The following ADAR variants were observed in gnomAD, a reference collection of about 807,000 sequenced individuals.
ADAR encodes double-stranded RNA-specific adenosine deaminase.
A neutral mutation model predicts 113.2 loss-of-function variants in ADAR; 41 were observed. The ratio of observed to expected loss-of-function variants is 0.36; its 90% CI spans 0.28 to 0.47. ADAR has a LOEUF of 0.47. Ranked by LOEUF, ADAR falls within the 20% of genes least tolerant of loss-of-function variation. ADAR has a pLI of 1.00. For synonymous variants in ADAR, 605 were observed against 572.6 expected (o/e 1.06, Z -0.81); for missense variants, 1,242 against 1,540.9 (o/e 0.81, Z 3.25).
At chr1:154,589,292 G>A (rs940434664) in intron 9 of ADAR, 77 bp downstream of exon 9, 26 of 1,144,124 alleles carry the variant, frequency 2.3e-5, no homozygotes, top group African/African-American at 7.6e-5. Context: ...TTCAGAGGCC[G>A]TGTCAGAGCC....
intron 1 of ADAR, among the ~76,000 whole-genome samples, chr1:154,626,271 T>A (rs1440815946): frequency 6.6e-5 from 10 of 151,874 alleles, no homozygotes; most frequent in Admixed American, 6.6e-4. Context: ...TGCACCATCA[T>A]GCTGGTCTAA....
At chr1:154,618,021 T>C (rs1698682859) in intron 1 of ADAR, among the ~76,000 whole-genome samples, 3 of 151,232 alleles carry the variant, frequency 2.0e-5, no homozygotes, top group African/African-American at 7.3e-5. Flanking sequence ...TAAAACACAA[T>C]AGCTTCTTTA....
intron 1 of ADAR, among the ~76,000 whole-genome samples, chr1:154,604,280 T>C (rs979534144): frequency 6.6e-6 from 1 of 152,260 alleles, no homozygotes; most frequent in Admixed American, 6.5e-5. Context: ...CCTGTGTTTC[T>C]ACAACTTCAC....
Position 154,589,308 on chromosome 1 carries a change from G to A in ADAR, c.2762+61C>T, listed in dbSNP as rs573632723. The A allele has an allele frequency of 9.9e-5, 132 of 1,329,182 alleles. 2 individuals are homozygous for A. The South Asian group carries it at 1.4e-3, about 14-fold the overall frequency. The allele number at this position is 1,329,182 out of a possible 1,614,324, so 82.3% of individuals were successfully genotyped here. A position where few individuals can be genotyped will look rare whatever the true frequency, so the allele number is the denominator to read the frequency against. ...TCAGAGGCCGTGTCAGAGCCATGTG[G>A]GGCAGGGAACTGGAGCTCTCCACAG... On this transcript the variant is annotated intron_variant, in intron 9 of 14. Transcript: ENST00000368474.
Position 154,582,947 on chromosome 1 carries a change from T to A in ADAR, c.*1859A>T, listed in dbSNP as rs745827491. ...GATGCTTTGGTGTTCTGCAAAGGCA[T>A]CCTTAGTCTATTTTTAGAACTTGCA... On this transcript the variant is annotated 3_prime_UTR_variant, in exon 15 of 15. Transcript: ENST00000368474. 1.3e-5 allele frequency: 2 copies of A among 152,234 alleles called. No homozygotes were observed. Among genetic ancestry groups the A allele is most frequent in the Non-Finnish European group, 2.9e-5 (2 of 68,052 alleles). The allele number at this position is 152,234 out of a possible 1,614,324, so 9.4% of individuals were successfully genotyped here.
chr1:154,585,609 G>C, intron 13 of ADAR, 144 bp downstream of exon 13: 2 of 881,208 alleles, frequency 2.3e-6, no homozygotes, highest in South Asian at 3.0e-5. Context: ...CAATGTTGGT[G>C]GTGGGCCACT....
rs1696719005 is a variant in ADAR at position 154,585,789 on chromosome 1, A to C, written c.3279T>G (p.Asp1093Glu). 6.2e-7 allele frequency: 1 copy of C among 1,614,054 alleles called. No homozygotes were observed. The highest frequency in any genetic ancestry group is 1.3e-5 in the African/African-American group (1 of 75,058). Residue 1093 changes from aspartate to glutamate, a missense_variant, in exon 13 of 15, where the codon GAT becomes GAG. By Grantham distance (45) the Asp-to-Glu change is conservative (BLOSUM62 2). Coordinates refer to ENST00000368474, the MANE Select transcript of ADAR (RefSeq NM_001111.5). ...TGACAATAAAGGGATGTCGTAGTCCATCCTCAAATGCACTCCCATCTCTTG... is the reference window on the plus strand; with the variant it reads ...TGACAATAAAGGGATGTCGTAGTCCCTCCTCAAATGCACTCCCATCTCTTG... ...RVTRDGSAFE[D>E]GLRHPFIVNH...
At position 154,584,468 on chromosome 1, in the gene ADAR, G is replaced by T; in HGVS notation, c.*338C>A. ...GAGGTCAGTGTAGCAAACACAAAGGGAAAGGAAATGGAAACAAATCAAAAC... is the reference window on the plus strand; with the variant it reads ...GAGGTCAGTGTAGCAAACACAAAGGTAAAGGAAATGGAAACAAATCAAAAC... On this transcript the variant is annotated 3_prime_UTR_variant, in exon 15 of 15. Transcript: ENST00000368474. The T allele has an allele frequency of 3.4e-6, 1 of 298,262 alleles. No individual in the cohort carries two copies. Among genetic ancestry groups the T allele is most frequent in the Non-Finnish European group, 6.3e-6 (1 of 158,346 alleles). 18.5% of individuals were successfully genotyped at this position (298,262 alleles called of 1,614,324 possible). A position where few individuals can be genotyped will look rare whatever the true frequency, so the allele number is the denominator to read the frequency against.
chr1:154,597,151 G>A lies in ADAR; in HGVS notation c.2051C>T (p.Ala684Val), dbSNP rs776658787. 13 of 1,614,160 alleles carry A rather than the reference G, an allele frequency of 8.1e-6. No individual in the cohort carries two copies. Among genetic ancestry groups the A allele is most frequent in the Middle Eastern group, 3.3e-4 (2 of 6,062 alleles). ...GTTATCAGAAGCCATGGAGTTGGTC[G>A]CCTCCCCATGCAGGGCCTTCATGGC... ...EEAMKALHGE[A>V]TNSMASDNQP... The change falls in exon 5 of 15, where the codon GCG becomes GTG. Residue 684 changes from alanine (A) to valine (V), a missense_variant. Ala to Val is a moderately conservative substitution (Grantham distance 64). This residue lies in a region of ADAR where 780 missense variants were observed against 1,057.9 expected (regional missense o/e 0.74). Transcript: ENST00000368474.
At chr1:154,617,684 G>C (rs185111781) in intron 1 of ADAR, among the ~76,000 whole-genome samples, 100 of 152,146 alleles carry the variant, frequency 6.6e-4, no homozygotes, top group African/African-American at 2.4e-3. Context: ...TCTGATATTG[G>C]AATATGAATT....
intron 6 of ADAR, 63 bp from the exon 7 acceptor site, chr1:154,590,472 G>T: frequency 6.5e-7 from 1 of 1,537,570 alleles, no homozygotes; most frequent in Non-Finnish European, 9.0e-7. Flanking sequence ...CCAAGGAAGG[G>T]TTAGTTTTGC....
At chr1:154,609,153 T>C (rs1698394269), upstream of ADAR, among the ~76,000 whole-genome samples, 1 of 152,238 alleles carries the variant, frequency 6.6e-6, no homozygotes, top group Non-Finnish European at 1.5e-5. Flanking sequence ...AATCCAGGTC[T>C]GAAGGCTTTA....
At chr1:154,590,548 T>C in intron 6 of ADAR, 139 bp from the exon 7 acceptor site, 1 of 807,248 alleles carries the variant, frequency 1.2e-6, no homozygotes, top group South Asian at 1.4e-5. Context: ...AAGGCAGCAT[T>C]TCCTAGATTT....
At chr1:154,585,167 G>T (rs376661636) in intron 14 of ADAR, 50 bp downstream of exon 14, 1 of 1,614,074 alleles carries the variant, frequency 6.2e-7, no homozygotes, top group East Asian at 2.2e-5. Context: ...ATGCACCCTT[G>T]CAAGTCAGGG....
At position 154,597,914 on chromosome 1, in the gene ADAR, G is replaced by A. The variant is rs1288208013; in HGVS notation, c.1848C>T (p.Val616=). 9.9e-6 allele frequency: 16 copies of A among 1,614,180 alleles called. No individual in the cohort carries two copies. The highest frequency in any genetic ancestry group is 1.3e-5 in the Non-Finnish European group (15 of 1,180,032). The change falls in exon 4 of 15, where the codon GTC becomes GTT. Residue 616 remains valine (V), a synonymous_variant. Transcript: ENST00000368474. ...ATSFFSGKSP[V]TTLLECMHKL... ...TGTGCATACACTCAAGCAGTGTGGT[G>A]ACGGGGCTCTTCCCAGAAAAGAAGG...
intron 11 of ADAR, among the ~76,000 whole-genome samples, chr1:154,586,703 C>T (rs551880216): frequency 6.6e-6 from 1 of 152,294 alleles, no homozygotes; most frequent in Non-Finnish European, 1.5e-5. Context: ...CCACAGGGGA[C>T]ACCTCCTGGG....
chr1:154,620,028 A>G (rs1698745930), intron 1 of ADAR, among the ~76,000 whole-genome samples: 1 of 152,228 alleles, frequency 6.6e-6, no homozygotes, highest in Admixed American at 6.6e-5. Flanking sequence ...TAATGAATAT[A>G]GTTTTAGATC....
intron 1 of ADAR, among the ~76,000 whole-genome samples, 179 bp downstream of exon 1, chr1:154,607,813 A>C (rs1170770528): frequency 6.6e-6 from 1 of 151,682 alleles, no homozygotes; most frequent in Non-Finnish European, 1.5e-5. Context: ...ACACACACCC[A>C]CACACACACA....
chr1:154,606,418 CAA>C (rs1698192598), intron 1 of ADAR, among the ~76,000 whole-genome samples: 1 of 151,930 alleles, frequency 6.6e-6, no homozygotes, highest in Non-Finnish European at 1.5e-5. Flanking sequence ...AATAAAACAA[CAA>C]AAAGTTGTAG....
Sources: gnomAD v4.1 joint callset for allele counts (sites outside exome capture counted in the v4.1 genomes callset) on GRCh38, gnomAD v4.1.1 for gene constraint, gnomAD v4.1.1 regional missense constraint, MANE v1.5 for transcripts, NCBI Gene and HGNC (gene_info 2026-07-23, HGNC 2026-07-21) for gene names.